The following TMC2 variants were observed in gnomAD, a reference collection of about 807,000 sequenced individuals.
TMC2 encodes the protein transmembrane channel-like protein 2.
A neutral mutation model predicts 105.9 loss-of-function variants in TMC2; 102 were observed. That is an observed-to-expected ratio of 0.96 (90% CI 0.82 to 1.14). The LOEUF is 1.14. Among genes scored for constraint, TMC2 ranks in the 50% most tolerant of loss-of-function variants. The pLI is 0.00. For missense variants in TMC2, 1,093 were observed against 1,134.3 expected (o/e 0.96, Z 0.52); for synonymous variants, 402 against 422.8 (o/e 0.95, Z 0.60).
chr20:2,637,746 A>G (rs929864207), intron 19 of TMC2, among the ~76,000 whole-genome samples, 155 bp downstream of exon 19: 1 of 152,178 alleles, frequency 6.6e-6, no homozygotes, highest in Non-Finnish European at 1.5e-5. Flanking sequence ...ATAGGGGTCA[A>G]TCATAGCACC....
chr20:2,589,963 A>G (rs755731229), intron 7 of TMC2, among the ~76,000 whole-genome samples: 2 of 152,146 alleles, frequency 1.3e-5, no homozygotes, highest in African/African-American at 2.4e-5. Flanking sequence ...GCCACCGCGC[A>G]TGGCCGGCAG....
intron 19 of TMC2, among the ~76,000 whole-genome samples, chr20:2,640,295 C>T (rs546590750): frequency 1.0e-3 from 159 of 152,292 alleles, no homozygotes; most frequent in African/African-American, 3.4e-3. Context: ...TGCACCTGGC[C>T]TGAACTTTTT....
chr20:2,624,838 A>T (rs1015900321), intron 17 of TMC2, among the ~76,000 whole-genome samples: 1 of 151,910 alleles, frequency 6.6e-6, no homozygotes, highest in Non-Finnish European at 1.5e-5. Context: ...ATCTGCAACA[A>T]CTCCCACTAA....
intron 4 of TMC2, among the ~76,000 whole-genome samples, chr20:2,562,826 G>A (rs2086036570): frequency 6.6e-6 from 1 of 151,928 alleles, no homozygotes. Context: ...GGCACCTGTA[G>A]TCCCAGTTAC....
intron 2 of TMC2, among the ~76,000 whole-genome samples, chr20:2,545,678 GAAGAAGAAAGAAGAAGGAAGAAGA>G (rs1417148406): frequency 3.0e-5 from 2 of 65,750 alleles, no homozygotes; most frequent in Admixed American, 4.2e-4. Flanking sequence ...AAAAGAAGAA[GAAGAAGAAAGAAGAAGGAAGAAGA>G]AAGAAGAAGG....
chr20:2,597,851 T>C (rs2086320173), intron 10 of TMC2, among the ~76,000 whole-genome samples: 1 of 152,150 alleles, frequency 6.6e-6, no homozygotes, highest in African/African-American at 2.4e-5. Context: ...TGGTGCTGCC[T>C]GTTTCTACGT....
intron 7 of TMC2, among the ~76,000 whole-genome samples, chr20:2,589,871 G>A (rs1372826646): frequency 6.6e-6 from 1 of 152,060 alleles, no homozygotes; most frequent in Non-Finnish European, 1.5e-5. Flanking sequence ...GGGTTTCACC[G>A]TGTTAGCCAG....
At chr20:2,633,494 T>G (rs1306553600) in intron 17 of TMC2, among the ~76,000 whole-genome samples, 1 of 152,182 alleles carries the variant, frequency 6.6e-6, no homozygotes, top group Non-Finnish European at 1.5e-5. Flanking sequence ...TATGCAACAC[T>G]TCTCACAGCC....
chr20:2,617,885 A>C (rs2146249514), intron 16 of TMC2: 1 of 154,242 alleles, frequency 6.5e-6, no homozygotes, highest in Non-Finnish European at 1.4e-5. Context: ...TAATTTTTGT[A>C]TTTTTAGTAG....
intron 18 of TMC2, 52 bp from the exon 19 acceptor site, chr20:2,637,422 C>T: frequency 8.6e-7 from 1 of 1,164,612 alleles, no homozygotes; most frequent in South Asian, 1.2e-5. Context: ...CACCTCTGAG[C>T]CTCAAAGACC....
At chr20:2,574,300 C>T (rs188270139) in intron 5 of TMC2, among the ~76,000 whole-genome samples, 8 of 152,246 alleles carry the variant, frequency 5.3e-5, no homozygotes, top group Admixed American at 1.3e-4. Flanking sequence ...TTTTTACATA[C>T]ATTTTCATAA....
At chr20:2,569,762 A>T (rs191509768) in intron 4 of TMC2, among the ~76,000 whole-genome samples, 1 of 152,272 alleles carries the variant, frequency 6.6e-6, no homozygotes. Context: ...CACCAAAATT[A>T]TGGTATCAGT....
chr20:2,600,897 G>T (rs1370277385), intron 10 of TMC2, among the ~76,000 whole-genome samples: 3 of 148,120 alleles, frequency 2.0e-5, no homozygotes, highest in African/African-American at 7.5e-5. Context: ...TGAGGCAGGA[G>T]AATCACTTGA....
Position 2,590,894 on chromosome 20 carries a change from CAA to C in TMC2, c.835-1415_835-1414del, listed in dbSNP as rs2086263739. On this transcript the variant is annotated intron_variant, in intron 7 of 19. Coordinates refer to ENST00000358864, the MANE Select transcript of TMC2 (RefSeq NM_080751.3). ...AAAAATAGAATTTAAAATTTTGACA[CAA>C]TGCAATAAATTTATAAAATAACTAG... Among the ~76,000 whole-genome samples the C allele has an allele frequency of 3.3e-5, 5 of 151,728 alleles. No individual in the cohort carries two copies. The South Asian group carries it at 1.0e-3, about 32-fold the overall frequency.
At chr20:2,579,081 T>TCATG (rs1313376665) in intron 5 of TMC2, 65 bp from the exon 6 acceptor site, 30 of 917,326 alleles carry the variant, frequency 3.3e-5, no homozygotes, top group Non-Finnish European at 4.8e-5. Flanking sequence ...GTGCCCCTCA[T>TCATG]CATGCCCCTT....
intron 11 of TMC2, among the ~76,000 whole-genome samples, chr20:2,603,770 T>C (rs2146226020): frequency 6.6e-6 from 1 of 152,282 alleles, no homozygotes; most frequent in African/African-American, 2.4e-5. Context: ...GTGCCAAGTC[T>C]TATGCTCTGA....
chr20:2,633,005 A>G (rs1454325092), intron 17 of TMC2, among the ~76,000 whole-genome samples: 2 of 152,134 alleles, frequency 1.3e-5, no homozygotes, highest in Non-Finnish European at 2.9e-5. Context: ...TGTTGTTATA[A>G]TTGTTGTCGT....
chr20:2,566,631 A>AT (rs2086066239), intron 4 of TMC2, among the ~76,000 whole-genome samples: 1 of 152,214 alleles, frequency 6.6e-6, no homozygotes. Flanking sequence ...GCTTTTCCCT[A>AT]TTCTTCCCAC....
Position 2,572,205 on chromosome 20 carries a change from A to T in TMC2, c.581A>T (p.Tyr194Phe). The change falls in exon 5 of 20, where the codon TAT (tyrosine) becomes TTT (phenylalanine). Residue 194 changes from tyrosine (Y) to phenylalanine (F), a missense_variant. Tyr to Phe is a conservative substitution (Grantham distance 22, BLOSUM62 3). Transcript: ENST00000358864. ...GAGGCCCAGGAATTTGTGGAGAAGT[A>T]TGAAGGTGCCTTGGGAAAGGGGAAA... The part of the protein sequence containing the change: ...LREAQEFVEK[Y>F]EGALGKGKGK... 1.9e-6 allele frequency: 3 copies of T among 1,611,592 alleles called. No individual in the cohort carries two copies. Among genetic ancestry groups the T allele is most frequent in the Non-Finnish European group, 2.5e-6 (3 of 1,179,546 alleles).
Sources: gnomAD v4.1 joint callset for allele counts (sites outside exome capture counted in the v4.1 genomes callset) on GRCh38, gnomAD v4.1.1 for gene constraint, MANE v1.5 for transcripts, NCBI Gene and HGNC (gene_info 2026-07-23, HGNC 2026-07-21) for gene names.